The following STK32C variants were observed in gnomAD, a reference collection of about 807,000 sequenced individuals.
STK32C encodes the protein serine/threonine kinase 32C, also known as serine/threonine-protein kinase 32C.
Under a neutral mutation model 56.5 loss-of-function variants are expected in STK32C, and 31 were observed. That is an observed-to-expected ratio of 0.55 (90% CI 0.41 to 0.74). The LOEUF is 0.74. Ranked by LOEUF, STK32C falls within the 30% of genes least tolerant of loss-of-function variation. The pLI is 0.00. For missense variants in STK32C, 544 were observed against 676.9 expected (o/e 0.80, Z 2.18); for synonymous variants, 309 against 289.4 (o/e 1.07, Z -0.69).
chr10:132,270,384 C>T (rs114997783), intron 1 of STK32C, among the ~76,000 whole-genome samples: 31 of 152,366 alleles, frequency 2.0e-4, no homozygotes, highest in African/African-American at 6.7e-4. Context: ...GGGCCCACGC[C>T]GCTGGCCTTG....
At chr10:132,220,707 T>C (rs2062610548) in intron 10 of STK32C, among the ~76,000 whole-genome samples, 1 of 152,094 alleles carries the variant, frequency 6.6e-6, no homozygotes, top group African/African-American at 2.4e-5. Flanking sequence ...ACAGCACCTG[T>C]CAAATCCCTG....
intron 1 of STK32C, among the ~76,000 whole-genome samples, chr10:132,297,220 C>T (rs2065775508): frequency 6.6e-6 from 1 of 152,332 alleles, no homozygotes; most frequent in East Asian, 1.9e-4. Flanking sequence ...GGCTCCCACC[C>T]CACACCCTCT....
intron 10 of STK32C, among the ~76,000 whole-genome samples, chr10:132,218,409 G>A (rs1267316239): frequency 1.3e-5 from 2 of 152,148 alleles, no homozygotes; most frequent in East Asian, 1.9e-4. Flanking sequence ...AAAACATTTG[G>A]ATAGACATTT....
At chr10:132,215,222 C>T (rs1259347155) in intron 10 of STK32C, among the ~76,000 whole-genome samples, 2 of 152,144 alleles carry the variant, frequency 1.3e-5, no homozygotes, top group Non-Finnish European at 2.9e-5. Flanking sequence ...CCATGTTGCC[C>T]AGCCTGGTCT....
At chr10:132,305,568 G>A (rs1195227636) in intron 1 of STK32C, among the ~76,000 whole-genome samples, 2 of 152,184 alleles carry the variant, frequency 1.3e-5, no homozygotes, top group Non-Finnish European at 2.9e-5. Flanking sequence ...GAAAGTACCA[G>A]GCAAATGACT....
rs947163539 is a variant in STK32C, at chr10:132,231,338, G to A, written c.319-3210C>T. Among the ~76,000 whole-genome samples, 9 of 152,348 alleles carry A rather than the reference G, an allele frequency of 5.9e-5. No individual in the cohort carries two copies. In the South Asian group the frequency reaches 1.9e-3, roughly 32 times the overall value. ...CAGCCACAGTCCAAGCCCCTGGCCT[G>A]GCCCTGTGGGAGGAGCTGCCCTGAG... On this transcript the variant is annotated intron_variant, in intron 2 of 11. Transcript: ENST00000298630.
intron 1 of STK32C, chr10:132,249,035 A>C (rs746704529): frequency 8.4e-6 from 4 of 474,804 alleles, no homozygotes; most frequent in Non-Finnish European, 1.7e-5. Flanking sequence ...CACACCTGCA[A>C]AGCCTCCCGA....
At chr10:132,238,906 C>T (rs367816084) in intron 2 of STK32C, among the ~76,000 whole-genome samples, 10 of 152,200 alleles carry the variant, frequency 6.6e-5, no homozygotes, top group Non-Finnish European at 8.8e-5. Context: ...GGAGCGGGCA[C>T]GCTGGGTGGA....
At chr10:132,294,478 G>T (rs965171577) in intron 1 of STK32C, among the ~76,000 whole-genome samples, 1 of 152,284 alleles carries the variant, frequency 6.6e-6, no homozygotes, top group African/African-American at 2.4e-5. Context: ...GAAAATGGAG[G>T]GCTGAGAAAT....
At chr10:132,301,560 C>T (rs933487563) in intron 1 of STK32C, among the ~76,000 whole-genome samples, 3 of 152,182 alleles carry the variant, frequency 2.0e-5, no homozygotes, top group Non-Finnish European at 4.4e-5. Context: ...CGCCCAAAAG[C>T]ACGGGGCCAC....
At chr10:132,308,008 T>C, upstream of STK32C, 2 of 853,272 alleles carry the variant, frequency 2.3e-6, no homozygotes, top group Non-Finnish European at 2.8e-6. Context: ...GGGGCGGGGC[T>C]TCTGGAAGGG....
At chr10:132,209,668 C>T (rs1015603572) in intron 10 of STK32C, among the ~76,000 whole-genome samples, 6 of 39,328 alleles carry the variant, frequency 1.5e-4, no homozygotes, top group African/African-American at 3.0e-4. Flanking sequence ...ACGCAGGGGT[C>T]GGGGGAGGGC....
At chr10:132,272,413 T>G (rs1245807514) in intron 1 of STK32C, among the ~76,000 whole-genome samples, 1 of 152,098 alleles carries the variant, frequency 6.6e-6, no homozygotes, top group Non-Finnish European at 1.5e-5. Context: ...AGCAAATGAA[T>G]ACAATGTCTG....
At chr10:132,309,691 G>A (rs140528511), upstream of STK32C, among the ~76,000 whole-genome samples, 2,197 of 152,272 alleles carry the variant, frequency 0.014, 44 homozygotes, top group South Asian at 0.045. Context: ...AGCAGGAGTG[G>A]TGAAGGAGCG....
At position 132,222,778 on chromosome 10, in the gene STK32C, G is replaced by C. The variant is rs761179990; in HGVS notation, c.1120-6C>G. 7.5e-6 allele frequency: 12 copies of C among 1,598,592 alleles called. No individual in the cohort carries two copies. The highest frequency in any genetic ancestry group is 1.0e-5 in the Non-Finnish European group (12 of 1,173,028). ...TCGCAGTGCAGACGGCCTTTCTACA[G>C]AGGGATGGGTGCTGAGCCCCGGCCC... On this transcript the variant is annotated splice_polypyrimidine_tract_variant and splice_region_variant and intron_variant, in intron 9 of 11. Coordinates refer to ENST00000298630, the MANE Select transcript of STK32C (RefSeq NM_173575.4).
upstream of STK32C, among the ~76,000 whole-genome samples, chr10:132,310,794 A>G (rs551158450): frequency 6.6e-6 from 1 of 152,386 alleles, no homozygotes; most frequent in South Asian, 2.1e-4. The surrounding 1 kb of genome is among the most constrained non-coding windows in gnomAD (Gnocchi z 4.6). Flanking sequence ...CAGCACGTGC[A>G]TGATCGTGGG....
chr10:132,239,497 C>CT (rs1402681259), intron 2 of STK32C, among the ~76,000 whole-genome samples: 1 of 152,266 alleles, frequency 6.6e-6, no homozygotes, highest in Non-Finnish European at 1.5e-5. Context: ...CGCACACTCC[C>CT]TGCCAGATGG....
At position 132,235,493 on chromosome 10, in the gene STK32C, T is replaced by TCAAAAAAAAAAAAA. The variant is rs1565091831; in HGVS notation, c.319-7366_319-7365insTTTTTTTTTTTTTG. Among the ~76,000 whole-genome samples, 10 of 72,406 alleles carry TCAAAAAAAAAAAAA rather than the reference T, an allele frequency of 1.4e-4. 3 individuals are homozygous for TCAAAAAAAAAAAAA. The highest frequency in any genetic ancestry group is 8.5e-4 in the East Asian group (2 of 2,362). 47.5% of individuals were successfully genotyped at this position (72,406 alleles called of 152,430 possible). A position where few individuals can be genotyped will look rare whatever the true frequency, so the allele number is the denominator to read the frequency against. ...CCTGGCAACAGAGCAAGACTCAGCC[T>TCAAAAAAAAAAAAA]TAAAAAAAAAAAAAAAAAAAAGGAA... On this transcript the variant is annotated intron_variant, in intron 2 of 11. Coordinates refer to ENST00000298630, the MANE Select transcript of STK32C (RefSeq NM_173575.4).
chr10:132,257,458 G>A (rs367664061), intron 1 of STK32C, among the ~76,000 whole-genome samples: 34 of 152,166 alleles, frequency 2.2e-4, no homozygotes, highest in African/African-American at 7.7e-4. Context: ...CCAGGGAGAG[G>A]GGCAGAGCTG....
Sources: allele counts gnomAD v4.1 joint callset (sites outside exome capture counted in the v4.1 genomes callset), GRCh38; gene constraint gnomAD v4.1.1; non-coding constraint Gnocchi (gnomAD v3.1); transcripts MANE v1.5; gene names NCBI Gene and HGNC (gene_info 2026-07-23, HGNC 2026-07-21).